Variants in SLC6A2 observed in about 807,000 individuals in gnomAD.
SLC6A2 encodes sodium-dependent noradrenaline transporter.
SLC6A2 carries 26 observed loss-of-function variants against 71.7 expected under a neutral mutation model. That is an observed-to-expected ratio of 0.36 (90% CI 0.27 to 0.50). SLC6A2 has a LOEUF of 0.50. Ranked by LOEUF, SLC6A2 falls within the 20% of genes least tolerant of loss-of-function variation. The pLI, the probability that SLC6A2 is intolerant of heterozygous loss-of-function variation, is 0.96. For synonymous variants in SLC6A2, 363 were observed against 337.9 expected (o/e 1.07, Z -0.82); for missense variants, 581 against 803.9 (o/e 0.72, Z 3.35).
chr16:55,666,103 C>CCTCA (rs796376739), intron 2 of SLC6A2, among the ~76,000 whole-genome samples: 5 of 152,328 alleles, frequency 3.3e-5, no homozygotes, highest in African/African-American at 1.2e-4. Context: ...CATGCCCTGC[C>CCTCA]TGTGTTTTTC....
chr16:55,667,431 G>A (rs1269910955), intron 2 of SLC6A2, among the ~76,000 whole-genome samples: 1 of 152,220 alleles, frequency 6.6e-6, no homozygotes, highest in Non-Finnish European at 1.5e-5. Flanking sequence ...AAATAATTAT[G>A]TAAAAACTTG....
At chr16:55,657,113 C>T in intron 2 of SLC6A2, 145 bp downstream of exon 2, 10 of 816,714 alleles carry the variant, frequency 1.2e-5, no homozygotes, top group Middle Eastern at 7.3e-4. Flanking sequence ...ACAGGGCTAA[C>T]GGGAAAAAAA....
Position 55,700,308 on chromosome 16 carries a change from T to G in SLC6A2, c.1758+2T>G, listed in dbSNP as rs746305202. 6.2e-7 allele frequency: 1 copy of G among 1,610,654 alleles called. No individual in the cohort carries two copies. The highest frequency in any genetic ancestry group is 8.5e-7 in the Non-Finnish European group (1 of 1,177,986). ...AGCACGCAGGGCTCTCTTTGGGAGG[T>G]GAGCTCTGGTCCTCCCCAGGGGAAC... On this transcript the variant is annotated splice_donor_variant, in intron 13 of 14. Transcript: ENST00000568943. LOFTEE classifies it high-confidence loss of function.
intron 9 of SLC6A2, among the ~76,000 whole-genome samples, chr16:55,697,249 TATA>T: frequency 6.6e-6 from 1 of 152,270 alleles, no homozygotes; most frequent in Admixed American, 6.5e-5. Context: ...CTTCTGGGCT[TATA>T]ATGAAGAATA....
At chr16:55,696,121 C>A in intron 8 of SLC6A2, 104 bp from the exon 9 acceptor site, 1 of 775,426 alleles carries the variant, frequency 1.3e-6, no homozygotes, top group South Asian at 1.4e-5. Flanking sequence ...GTGTTCTGTC[C>A]GCCCACACAT....
chr16:55,683,384 G>A (rs779265600), intron 4 of SLC6A2, among the ~76,000 whole-genome samples: 4 of 152,174 alleles, frequency 2.6e-5, no homozygotes, highest in African/African-American at 9.7e-5. Flanking sequence ...GGCCAAGGCA[G>A]GTGGATAGCC....
Position 55,656,660 on chromosome 16 carries a change from C to T in SLC6A2, c.-35C>T, listed in dbSNP as rs1365500883. On this transcript the variant is annotated 5_prime_UTR_variant, in exon 2 of 15. Transcript: ENST00000568943. The surrounding 1 kb of genome is among the most constrained non-coding windows in gnomAD (Gnocchi z 4.5). ...TCCAAGCAGAGCCTCGGCGTGCCCCCAGGACCGGTAAAGTTCCTCTCGCCA... is the reference window on the plus strand; with the variant it reads ...TCCAAGCAGAGCCTCGGCGTGCCCCTAGGACCGGTAAAGTTCCTCTCGCCA... 6.2e-7 allele frequency: 1 copy of T among 1,610,838 alleles called. No homozygotes were observed. The highest frequency in any genetic ancestry group is 8.5e-7 in the Non-Finnish European group (1 of 1,179,740).
At chr16:55,660,715 A>G (rs1444203455) in intron 2 of SLC6A2, among the ~76,000 whole-genome samples, 1 of 152,094 alleles carries the variant, frequency 6.6e-6, no homozygotes, top group African/African-American at 2.4e-5. Context: ...ACCTGAGATA[A>G]CACCACAAGA....
chr16:55,681,537 A>G (rs1226286802), intron 4 of SLC6A2, among the ~76,000 whole-genome samples: 1 of 152,248 alleles, frequency 6.6e-6, no homozygotes, highest in Admixed American at 6.5e-5. Flanking sequence ...TTTCCTTCAT[A>G]TTCTTTCAAA....
rs375899317 is a variant in SLC6A2 at position 55,693,988 on chromosome 16, G to A, written c.919-22G>A. 4.0e-6 allele frequency: 6 copies of A among 1,516,738 alleles called. No individual in the cohort carries two copies. The African/African-American group carries it at 5.5e-5, about 14-fold the overall frequency. The allele number at this position is 1,516,738 out of a possible 1,614,324, so 94.0% of individuals were successfully genotyped here. On this transcript the variant is annotated intron_variant, in intron 6 of 14. Transcript: ENST00000568943. The stretch of plus-strand genomic sequence containing the variant: ...AGTGTTGTAGGAAGCAGAGGCTGAT[G>A]GCTTTTGTCTGCTGGTTTCAGGTAT...
At chr16:55,669,453 G>A (rs1964844125) in intron 2 of SLC6A2, 112 bp from the exon 3 acceptor site, 1 of 1,169,728 alleles carries the variant, frequency 8.5e-7, no homozygotes, top group Non-Finnish European at 1.3e-6. Flanking sequence ...GTCGCCTTTG[G>A]AAACAGCCAG....
rs1442050835 is a variant in SLC6A2 at position 55,656,557 on chromosome 16, G to A, written c.-51-87G>A. 9.3e-7 allele frequency: 1 copy of A among 1,078,860 alleles called. No homozygotes were observed. Among genetic ancestry groups the A allele is most frequent in the Admixed American group, 1.8e-5 (1 of 56,648 alleles). 66.8% of individuals were successfully genotyped at this position (1,078,860 alleles called of 1,614,324 possible). On this transcript the variant is annotated intron_variant, in intron 1 of 14. Transcript: ENST00000568943. This position sits in a 1 kb window ranked among gnomAD's most constrained non-coding sequence, Gnocchi z 4.5. ...GTCCGCTCAGCGCGCGCTCATCCCA[G>A]TGTCTAAGGCGCTCCCGGGTGGTCT...
At position 55,705,362 on chromosome 16, in the gene SLC6A2, C is replaced by CACATTAGCGAG; in HGVS notation, c.*3016_*3017insACATTAGCGAG. The CACATTAGCGAG allele has an allele frequency of 1.2e-6, 1 of 838,612 alleles. No homozygotes were observed. The highest frequency in any genetic ancestry group is 1.8e-6 in the Non-Finnish European group (1 of 544,096). The allele number at this position is 838,612 out of a possible 1,614,324, so 51.9% of individuals were successfully genotyped here. A position where few individuals can be genotyped will look rare whatever the true frequency, so the allele number is the denominator to read the frequency against. On this transcript the variant is annotated 3_prime_UTR_variant, in exon 15 of 15. Transcript: ENST00000568943. ...TGCTATATGATCTGTTTTCTAGCCT[C>CACATTAGCGAG]GCTAATGTGAGACTGAAGCATTCTT...
At chr16:55,675,779 G>GAA (rs11418298) in intron 4 of SLC6A2, among the ~76,000 whole-genome samples, 5 of 149,892 alleles carry the variant, frequency 3.3e-5, no homozygotes, top group African/African-American at 1.2e-4. Flanking sequence ...AAAAAGTGTG[G>GAA]AAAAAAAAAA....
intron 2 of SLC6A2, among the ~76,000 whole-genome samples, chr16:55,664,220 G>A (rs532563805): frequency 2.0e-3 from 298 of 152,198 alleles, no homozygotes; most frequent in Middle Eastern, 3.4e-3. Context: ...CGCTCTGGCC[G>A]GTGCTTCCAT....
intron 5 of SLC6A2, among the ~76,000 whole-genome samples, chr16:55,685,813 C>T (rs1306096694): frequency 6.6e-6 from 1 of 152,080 alleles, no homozygotes. Flanking sequence ...TTCCAGGTGC[C>T]TTGGAGAGAA....
chr16:55,700,806 CAT>C (rs1965950335), intron 13 of SLC6A2, among the ~76,000 whole-genome samples: 1 of 152,024 alleles, frequency 6.6e-6, no homozygotes, highest in South Asian at 2.1e-4. Context: ...ATGCATTCTG[CAT>C]ATATGTCAAT....
chr16:55,675,634 C>T lies in SLC6A2; in HGVS notation c.644+3459C>T, dbSNP rs553937865. Among the ~76,000 whole-genome samples the T allele has an allele frequency of 2.6e-5, 4 of 152,258 alleles. No homozygotes were observed. In the South Asian group the frequency reaches 8.3e-4, roughly 32 times the overall value. On this transcript the variant is annotated intron_variant, in intron 4 of 14. Transcript: ENST00000568943. ...ATATCTGTGCAATCCACCAGAGTAC[C>T]CACTTGCCACAGGTGGTTACCGAGC...
intron 4 of SLC6A2, among the ~76,000 whole-genome samples, chr16:55,679,482 C>A (rs923347765): frequency 6.6e-6 from 1 of 152,224 alleles, no homozygotes; most frequent in African/African-American, 2.4e-5. Flanking sequence ...CCGCCTTGGC[C>A]TCCCAACATG....
Sources: gnomAD v4.1 joint callset for allele counts (sites outside exome capture counted in the v4.1 genomes callset) on GRCh38, gnomAD v4.1.1 for gene constraint, Gnocchi (gnomAD v3.1) non-coding constraint, MANE v1.5 for transcripts, NCBI Gene and HGNC (gene_info 2026-07-23, HGNC 2026-07-21) for gene names.